Variants in KCNG2 observed in about 807,000 individuals in gnomAD.
KCNG2 encodes potassium voltage-gated channel modifier subfamily G member 2, also known as voltage-gated potassium channel regulatory subunit KCNG2.
Under a neutral mutation model 12.3 loss-of-function variants are expected in KCNG2, and 7 were observed. That is an observed-to-expected ratio of 0.57 (90% CI 0.32 to 1.07). KCNG2 has a LOEUF of 1.07. KCNG2 is among the 50% of genes least tolerant of loss of function. The pLI is 0.04. For missense variants in KCNG2, 703 were observed against 726.0 expected (o/e 0.97, Z 0.36); for synonymous variants, 414 against 351.4 (o/e 1.18, Z -1.99).
At chr18:79,811,557 T>TA (rs1398918043) in intron 1 of KCNG2, among the ~76,000 whole-genome samples, 3 of 151,520 alleles carry the variant, frequency 2.0e-5, no homozygotes, top group East Asian at 1.9e-4. Flanking sequence ...CATGATACAA[T>TA]AAAAAAAAGT....
intron 3 of KCNG2, among the ~76,000 whole-genome samples, chr18:79,889,405 C>G (rs1980667552): frequency 6.6e-6 from 1 of 152,232 alleles, no homozygotes; most frequent in Admixed American, 6.5e-5. Context: ...TGTTCTTTCT[C>G]TATCAAATGG....
chr18:79,827,911 T>TTTTC (rs1257528004), intron 1 of KCNG2, among the ~76,000 whole-genome samples: 8 of 147,310 alleles, frequency 5.4e-5, no homozygotes, highest in African/African-American at 1.5e-4. Context: ...TAATATTCTT[T>TTTTC]TTTCTTTCTT....
intron 3 of KCNG2, among the ~76,000 whole-genome samples, chr18:79,889,823 G>A (rs1329887898): frequency 6.6e-6 from 1 of 152,254 alleles, no homozygotes; most frequent in Non-Finnish European, 1.5e-5. Flanking sequence ...CCTGAACGGA[G>A]GGAGCACGGA....
Position 79,863,877 on chromosome 18 carries a change from C to T in KCNG2, c.210C>T (p.Phe70=). The T allele has an allele frequency of 6.8e-7, 1 of 1,475,238 alleles. No individual in the cohort carries two copies. Among genetic ancestry groups the T allele is most frequent in the Non-Finnish European group, 9.0e-7 (1 of 1,111,338 alleles). 91.4% of individuals were successfully genotyped at this position (1,475,238 alleles called of 1,614,324 possible). ...DDYDVSRDEF[F]FDRSPCAFRA... is the part of the protein sequence containing the mutation. The stretch of plus-strand genomic sequence containing the variant: ...ACGACGTGAGCCGCGACGAGTTCTT[C>T]TTCGACCGCAGCCCGTGCGCCTTCC... The change falls in exon 3 of 4, where the codon TTC becomes TTT. Residue 70 remains phenylalanine, a synonymous_variant. Coordinates refer to ENST00000316249, the MANE Select transcript of KCNG2 (RefSeq NM_012283.2).
intron 2 of KCNG2, among the ~76,000 whole-genome samples, chr18:79,857,320 G>T (rs746503773): frequency 7.3e-5 from 11 of 150,260 alleles, no homozygotes; most frequent in Non-Finnish European, 1.5e-4. Context: ...ATTATGGAGC[G>T]CTTCTCTCCT....
chr18:79,859,086 C>CT (rs1568258900), intron 2 of KCNG2, among the ~76,000 whole-genome samples: 1 of 152,124 alleles, frequency 6.6e-6, no homozygotes, highest in South Asian at 2.1e-4. Context: ...TCCAATTTAT[C>CT]TTTTTTTCTT....
At chr18:79,861,204 A>C (rs1034215763) in intron 2 of KCNG2, among the ~76,000 whole-genome samples, 5 of 151,108 alleles carry the variant, frequency 3.3e-5, no homozygotes, top group African/African-American at 1.2e-4. Flanking sequence ...AATCCTTTTA[A>C]TATGAAGCTG....
intron 1 of KCNG2, among the ~76,000 whole-genome samples, chr18:79,810,798 A>T (rs1002249529): frequency 6.6e-6 from 1 of 152,178 alleles, no homozygotes; most frequent in Non-Finnish European, 1.5e-5. Flanking sequence ...GTAGAAAAAA[A>T]CTAGAAGTAA....
chr18:79,802,303 G>A (rs1279891331), intron 1 of KCNG2, among the ~76,000 whole-genome samples: 2 of 152,368 alleles, frequency 1.3e-5, no homozygotes, highest in South Asian at 2.1e-4. Flanking sequence ...CTCATGGAGG[G>A]GCGTCTGGGG....
chr18:79,899,728 C>T lies in KCNG2; in HGVS notation c.1313C>T (p.Thr438Ile). 1 of 1,600,902 alleles carries T rather than the reference C, an allele frequency of 6.2e-7. No individual in the cohort carries two copies. Among genetic ancestry groups the T allele is most frequent in the Non-Finnish European group, 8.5e-7 (1 of 1,176,578 alleles). Residue 438 changes from threonine to isoleucine, a missense_variant, in exon 4 of 4, where the codon ACA becomes ATA. Coordinates refer to ENST00000316249, the MANE Select transcript of KCNG2 (RefSeq NM_012283.2). ...CAGGAGGACAGCACGCACTCGGCCA[C>T]AGCCACCGAGGACAGCTCGCAGGGC... is the stretch of plus-strand genomic sequence containing the variant. ...ALQEDSTHSA[T>I]ATEDSSQGPD...
rs1447601764 is a variant in KCNG2 at position 79,884,408 on chromosome 18, G to A, written c.625-14632G>A. On this transcript the variant is annotated intron_variant, in intron 3 of 3. Coordinates refer to ENST00000316249, the MANE Select transcript of KCNG2 (RefSeq NM_012283.2). This position sits in a 1 kb window ranked among gnomAD's most constrained non-coding sequence, Gnocchi z 5.5. ...TGGATTCCCGTCCTCCGGTGAGGGC[G>A]CCTCTGCTCAACCCCGGCCTGGCAG... 3.9e-5 allele frequency among the ~76,000 whole-genome samples: 6 copies of A among 152,166 alleles called. No homozygotes were observed. Among genetic ancestry groups the A allele is most frequent in the Admixed American group, 1.3e-4 (2 of 15,278 alleles).
chr18:79,807,355 C>T (rs999735486), intron 1 of KCNG2, among the ~76,000 whole-genome samples: 1 of 152,230 alleles, frequency 6.6e-6, no homozygotes, highest in African/African-American at 2.4e-5. Flanking sequence ...ACGCTCTCTG[C>T]ATCTGCCCCA....
intron 1 of KCNG2, among the ~76,000 whole-genome samples, chr18:79,854,386 T>G (rs1235606937): frequency 6.6e-6 from 1 of 152,212 alleles, no homozygotes; most frequent in African/African-American, 2.4e-5. Flanking sequence ...TGGTTACGTT[T>G]ATTTTAAAAG....
chr18:79,874,247 A>G (rs529603919), intron 3 of KCNG2, among the ~76,000 whole-genome samples: 2 of 152,354 alleles, frequency 1.3e-5, no homozygotes, highest in South Asian at 4.1e-4. Context: ...CCTCTATGCC[A>G]TCAGTCATAG....
At chr18:79,817,802 G>A (rs1268291864) in intron 1 of KCNG2, among the ~76,000 whole-genome samples, 2 of 152,150 alleles carry the variant, frequency 1.3e-5, no homozygotes, top group Non-Finnish European at 2.9e-5. Flanking sequence ...GCCCCACGTC[G>A]CCTTCCCCAC....
intron 3 of KCNG2, among the ~76,000 whole-genome samples, chr18:79,871,841 G>A (rs1055763740): frequency 2.0e-5 from 3 of 152,248 alleles, no homozygotes; most frequent in Non-Finnish European, 4.4e-5. Flanking sequence ...TTACCAGGGA[G>A]GCAGGTGCCA....
chr18:79,821,568 G>T (rs540883252), intron 1 of KCNG2, among the ~76,000 whole-genome samples: 3 of 152,308 alleles, frequency 2.0e-5, no homozygotes, highest in Non-Finnish European at 2.9e-5. Context: ...GGGATTACAG[G>T]CGTGAGCCAC....
chr18:79,894,071 C>T (rs1980852178), intron 3 of KCNG2, among the ~76,000 whole-genome samples: 1 of 151,078 alleles, frequency 6.6e-6, no homozygotes, highest in Non-Finnish European at 1.5e-5. Flanking sequence ...GGGTCCATGT[C>T]TGCTTTTGAT....
At chr18:79,838,262 C>A (rs1188899412) in intron 1 of KCNG2, among the ~76,000 whole-genome samples, 2 of 152,108 alleles carry the variant, frequency 1.3e-5, no homozygotes, top group Non-Finnish European at 2.9e-5. Context: ...TAAAACAAAT[C>A]TCAACAAATT....
Sources: gnomAD v4.1 joint callset for allele counts (sites outside exome capture counted in the v4.1 genomes callset) on GRCh38, gnomAD v4.1.1 for gene constraint, Gnocchi (gnomAD v3.1) non-coding constraint, MANE v1.5 for transcripts, NCBI Gene and HGNC (gene_info 2026-07-23, HGNC 2026-07-21) for gene names.